Variants in ACACB observed in about 807,000 individuals in gnomAD.
ACACB encodes the protein acetyl-CoA carboxylase 2.
In ACACB, 209 loss-of-function variants were observed where a neutral mutation model predicts 278.8. The ratio of observed to expected loss-of-function variants is 0.75; its 90% CI spans 0.67 to 0.84. The LOEUF (loss-of-function observed/expected upper bound fraction) is 0.84, where lower values mean the gene tolerates loss of function less well. Among genes scored for constraint, ACACB ranks in the 40% least tolerant of loss-of-function variants. The probability of loss-of-function intolerance (pLI) is 0.00; values close to 1 mark genes in which losing one functional copy is unlikely to be tolerated. For synonymous variants in ACACB, 1,174 were observed against 1,285.6 expected (o/e 0.91, Z 1.86); for missense variants, 2,850 against 3,269.0 (o/e 0.87, Z 3.13).
intron 2 of ACACB, among the ~76,000 whole-genome samples, chr12:109,154,518 C>T (rs1348206132): frequency 1.3e-5 from 2 of 151,988 alleles, no homozygotes; most frequent in African/African-American, 2.4e-5. Context: ...CTCCGCAGCT[C>T]ATTTCGGCTG....
chr12:109,124,918 A>G (rs11065625), intron 1 of ACACB, among the ~76,000 whole-genome samples: 42,356 of 151,962 alleles, frequency 0.28, 6,436 homozygotes, highest in East Asian at 0.6. Context: ...GTTTCACTAC[A>G]TTGCCCAGGC....
chr12:109,135,064 A>G lies in ACACB; in HGVS notation c.-9-4333A>G, dbSNP rs1286779561. ...GATTGCTGGATCATATGATAATTCTATGTTCAACTTTTTAAGGAACCACCA... is the reference window on the plus strand; with the variant it reads ...GATTGCTGGATCATATGATAATTCTGTGTTCAACTTTTTAAGGAACCACCA... On this transcript the variant is annotated intron_variant, in intron 1 of 52. Coordinates refer to ENST00000338432, the MANE Select transcript of ACACB (RefSeq NM_001093.4). Among the ~76,000 whole-genome samples the G allele has an allele frequency of 2.0e-5, 3 of 152,160 alleles. No homozygotes were observed. The East Asian group carries it at 5.8e-4, about 29-fold the overall frequency.
chr12:109,258,405 G>A (rs1354136510), intron 46 of ACACB, 41 bp downstream of exon 46: 2 of 1,550,452 alleles, frequency 1.3e-6, no homozygotes, highest in Non-Finnish European at 1.8e-6. Flanking sequence ...TTAGCCAGCG[G>A]TACTGTCGAG....
At chr12:109,250,774 C>T (rs577863304) in intron 41 of ACACB, among the ~76,000 whole-genome samples, 7 of 152,054 alleles carry the variant, frequency 4.6e-5, no homozygotes, top group Non-Finnish European at 8.8e-5. Context: ...AGTGAGAGAC[C>T]GAGGCAAGTC....
chr12:109,195,274 A>C (rs1166189813), intron 16 of ACACB, among the ~76,000 whole-genome samples: 2 of 152,212 alleles, frequency 1.3e-5, no homozygotes, highest in African/African-American at 2.4e-5. Context: ...ACAGAGTTTG[A>C]GTCTGCTTAT....
At chr12:109,212,552 A>C (rs1417201605) in intron 21 of ACACB, among the ~76,000 whole-genome samples, 4 of 152,112 alleles carry the variant, frequency 2.6e-5, no homozygotes, top group Non-Finnish European at 4.4e-5. Context: ...GGTCCCTCGC[A>C]TGCACGGTTC....
At position 109,233,385 on chromosome 12, in the gene ACACB, A is replaced by G. The variant is rs535953894; in HGVS notation, c.4140-363A>G. 6.6e-5 allele frequency among the ~76,000 whole-genome samples: 10 copies of G among 151,946 alleles called. No individual in the cohort carries two copies. In the South Asian group the frequency reaches 2.1e-3, roughly 32 times the overall value. ...AACAGCCTCATGAGGCATAGGGATT[A>G]CTCTTATTACCTTTCTTTGACTCGG... On this transcript the variant is annotated intron_variant, in intron 29 of 52. Coordinates refer to ENST00000338432, the MANE Select transcript of ACACB (RefSeq NM_001093.4).
chr12:109,267,415 G>A lies in ACACB; in HGVS notation c.*1053G>A, dbSNP rs983711369. ...CCCACCTCTTCTCTCCAAGGAAAAT[G>A]AGGACTGCCCCTTCCCCCTGCAGGA... On this transcript the variant is annotated 3_prime_UTR_variant, in exon 53 of 53. Transcript: ENST00000338432. The A allele has an allele frequency of 2.0e-5, 3 of 152,304 alleles. No homozygotes were observed. Among genetic ancestry groups the A allele is most frequent in the Admixed American group, 2.0e-4 (3 of 15,282 alleles). 9.4% of individuals were successfully genotyped at this position (152,304 alleles called of 1,614,324 possible).
rs116145472 is a variant in ACACB, at chr12:109,265,102, G to A, written c.6943-8G>A. On this transcript the variant is annotated splice_polypyrimidine_tract_variant and splice_region_variant and intron_variant, in intron 50 of 52. Transcript: ENST00000338432. ...CTTTCCGGGGATTCAAGCCTGGCTC[G>A]TCCACAGGACATCCTGGAGTGGAAG... 1,168 of 1,601,436 alleles carry A rather than the reference G, an allele frequency of 7.3e-4. 7 individuals are homozygous for A. In the African/African-American group the frequency reaches 0.012, roughly 17 times the overall value.
At chr12:109,115,595 G>A (rs1020923187), upstream of ACACB, among the ~76,000 whole-genome samples, 1 of 151,550 alleles carries the variant, frequency 6.6e-6, no homozygotes, top group African/African-American at 2.4e-5. Context: ...CTTCACCCCG[G>A]TTCCTGTAAC....
At chr12:109,252,967 G>A in intron 42 of ACACB, 48 bp from the exon 43 acceptor site, 1 of 1,437,338 alleles carries the variant, frequency 7.0e-7, no homozygotes, top group African/African-American at 1.4e-5. Context: ...ACAGGTGGTA[G>A]AGCCCTGCAC....
chr12:109,178,295 C>G (rs2044343277), intron 9 of ACACB, among the ~76,000 whole-genome samples: 1 of 152,208 alleles, frequency 6.6e-6, no homozygotes, highest in Non-Finnish European at 1.5e-5. Flanking sequence ...CTCTAGAAGA[C>G]ATGCCTATAA....
At chr12:109,208,431 C>T (rs1308441039) in intron 20 of ACACB, among the ~76,000 whole-genome samples, 2 of 152,104 alleles carry the variant, frequency 1.3e-5, no homozygotes, top group Non-Finnish European at 2.9e-5. Flanking sequence ...TGGTCTCGAA[C>T]TTCTGGGCTC....
chr12:109,160,302 C>T (rs1357581163), intron 2 of ACACB, among the ~76,000 whole-genome samples: 1 of 152,140 alleles, frequency 6.6e-6, no homozygotes, highest in Non-Finnish European at 1.5e-5. Flanking sequence ...GGCTCTGCCA[C>T]TTGCCAGCTG....
At chr12:109,171,330 T>C (rs2044107105) in intron 4 of ACACB, among the ~76,000 whole-genome samples, 1 of 151,726 alleles carries the variant, frequency 6.6e-6, no homozygotes, top group African/African-American at 2.4e-5. Flanking sequence ...AAAATCATAT[T>C]TCATTTTCTT....
Position 109,191,545 on chromosome 12 carries a change from A to G in ACACB, c.2145-68A>G, listed in dbSNP as rs1413584376. On this transcript the variant is annotated intron_variant, in intron 13 of 52. Transcript: ENST00000338432. ...GTGCTTTTCCAGTTCTCTGAATCAC[A>G]TCATTGCAGCAACTCTGTTGATGTA... is the stretch of plus-strand genomic sequence containing the variant. The G allele has an allele frequency of 7.6e-6, 12 of 1,587,592 alleles. No individual in the cohort carries two copies. In the East Asian group the frequency reaches 1.3e-4, roughly 18 times the overall value.
chr12:109,136,234 T>G (rs1008734937), intron 1 of ACACB, among the ~76,000 whole-genome samples: 1 of 152,200 alleles, frequency 6.6e-6, no homozygotes, highest in Non-Finnish European at 1.5e-5. Context: ...TACCATGCTG[T>G]TTTGTTTACC....
At position 109,199,442 on chromosome 12, in the gene ACACB, A is replaced by C. The variant is rs1345000403; in HGVS notation, c.2668A>C (p.Lys890Gln). Residue 890 changes from lysine (K) to glutamine (Q), a missense_variant, in exon 18 of 53, where the codon AAG becomes CAG. Lys to Gln is a moderately conservative substitution (Grantham distance 53). Around this residue, in one of 3 missense-constraint regions of ACACB, gnomAD observed 2,265 missense variants for 2,561.3 expected, o/e 0.88. Coordinates refer to ENST00000338432, the MANE Select transcript of ACACB (RefSeq NM_001093.4). ...TIGNKTCVFE[K>Q]ENDPTVLRSP... Reference sequence around the variant, plus strand: ...CGGCAATAAGACGTGTGTGTTTGAGAAGGAGAACGATCCTACAGTCCTGAG... The same window carrying C: ...CGGCAATAAGACGTGTGTGTTTGAGCAGGAGAACGATCCTACAGTCCTGAG... 1.9e-6 allele frequency: 3 copies of C among 1,546,236 alleles called. No individual in the cohort carries two copies. In the African/African-American group the frequency reaches 4.2e-5, roughly 22 times the overall value.
Position 109,170,793 on chromosome 12 carries a change from G to T in ACACB, c.926-1012G>T, listed in dbSNP as rs11503163. ...GGTTAAGATGGTAAATTTTGTGTGT[G>T]TTTTTTTTTTTACCATAATTTAAAA... On this transcript the variant is annotated intron_variant, in intron 4 of 52. Transcript: ENST00000338432. 9.2e-3 allele frequency among the ~76,000 whole-genome samples: 1,062 copies of T among 114,926 alleles called. 16 individuals carry two copies. Among genetic ancestry groups the T allele is most frequent in the African/African-American group, 0.03 (990 of 32,802 alleles). The allele number at this position is 114,926 out of a possible 152,430, so 75.4% of individuals were successfully genotyped here. A position where few individuals can be genotyped will look rare whatever the true frequency, so the allele number is the denominator to read the frequency against.
Sources: allele counts gnomAD v4.1 joint callset (sites outside exome capture counted in the v4.1 genomes callset), GRCh38; gene constraint gnomAD v4.1.1; regional missense constraint gnomAD v4.1.1; transcripts MANE v1.5; gene names NCBI Gene and HGNC (gene_info 2026-07-23, HGNC 2026-07-21).